CPE: variants seen among roughly 807,000 people sequenced by gnomAD.
The protein encoded by CPE is carboxypeptidase E.
In CPE, 17 loss-of-function variants were observed where a neutral mutation model predicts 53.5. The observed-to-expected ratio is 0.32, with a 90% CI of 0.22 to 0.48. The LOEUF (loss-of-function observed/expected upper bound fraction) is 0.48. CPE is among the 20% of genes least tolerant of loss of function. The pLI is 0.99. For synonymous variants in CPE, 226 were observed against 228.8 expected, an observed-to-expected ratio of 0.99 and a Z score of 0.11; for missense variants, 524 against 614.7, an observed-to-expected ratio of 0.85 and a Z score of 1.56.
chr4:165,379,353 G>C lies in CPE; in HGVS notation c.132G>C (p.Gln44His). The C allele has an allele frequency of 1.9e-6, 3 of 1,593,904 alleles. No homozygotes were observed. Among genetic ancestry groups the C allele is most frequent in the Non-Finnish European group, 2.6e-6 (3 of 1,173,310 alleles). ...AAGMRRRRRLQQEDGISFEYH... is the reference protein window; with the variant it reads ...AAGMRRRRRLHQEDGISFEYH... ...GCATGAGGCGGCGCCGGCGGCTGCA[G>C]CAAGAGGACGGCATCTCCTTCGAGT... is the stretch of plus-strand genomic sequence containing the variant. Residue 44 changes from glutamine (Q) to histidine (H), a missense_variant, in exon 1 of 9, where the codon CAG (glutamine) becomes CAC (histidine). By Grantham distance (24) the Gln-to-His change is conservative. Transcript: ENST00000402744. The surrounding 1 kb of genome is among the most constrained non-coding windows in gnomAD (Gnocchi z 6.0).
Position 165,498,344 on chromosome 4 carries a change from A to C in CPE, c.*734A>C, listed in dbSNP as rs185161171. 23 of 152,280 alleles carry C rather than the reference A, an allele frequency of 1.5e-4. No individual in the cohort carries two copies. The East Asian group carries it at 4.4e-3, about 29-fold the overall frequency. The allele number at this position is 152,280 out of a possible 1,614,324, so 9.4% of individuals were successfully genotyped here. A position where few individuals can be genotyped will look rare whatever the true frequency, so the allele number is the denominator to read the frequency against. Reference sequence around the variant, plus strand: ...CCAGTGCATGTATTTCAGTTCTCTAAGATTTTTGGTCTGGCATTGTGGTCT... The same window carrying C: ...CCAGTGCATGTATTTCAGTTCTCTACGATTTTTGGTCTGGCATTGTGGTCT... On this transcript the variant is annotated 3_prime_UTR_variant, in exon 9 of 9. Coordinates refer to ENST00000402744, the MANE Select transcript of CPE (RefSeq NM_001873.4).
chr4:165,442,724 C>A (rs1731636695), intron 1 of CPE, among the ~76,000 whole-genome samples: 2 of 152,230 alleles, frequency 1.3e-5, no homozygotes, highest in Admixed American at 1.3e-4. Context: ...GCAGAAAGTT[C>A]TACTGGAGAG....
chr4:165,399,547 T>G (rs1730833217), intron 1 of CPE, among the ~76,000 whole-genome samples: 1 of 152,108 alleles, frequency 6.6e-6, no homozygotes, highest in African/African-American at 2.4e-5. Flanking sequence ...AATTTTTGTA[T>G]TTTTAGTAGA....
At chr4:165,429,789 A>C (rs1731379152) in intron 1 of CPE, among the ~76,000 whole-genome samples, 2 of 152,230 alleles carry the variant, frequency 1.3e-5, no homozygotes, top group Admixed American at 1.3e-4. Flanking sequence ...ATAATGTAAA[A>C]ACAATAATAA....
chr4:165,439,840 A>G (rs1479531923), intron 1 of CPE, among the ~76,000 whole-genome samples: 1 of 152,178 alleles, frequency 6.6e-6, no homozygotes, highest in Non-Finnish European at 1.5e-5. Context: ...TCTGGATAAA[A>G]TCATGTTGAG....
At chr4:165,385,443 C>CTTTTTTT (rs70955613) in intron 1 of CPE, among the ~76,000 whole-genome samples, 3 of 107,008 alleles carry the variant, frequency 2.8e-5, no homozygotes, top group African/African-American at 1.2e-4. Context: ...CAAATGTTTG[C>CTTTTTTT]TTTTTTTTTT....
At chr4:165,463,608 A>G (rs1732047300) in intron 1 of CPE, among the ~76,000 whole-genome samples, 1 of 152,276 alleles carries the variant, frequency 6.6e-6, no homozygotes, top group Non-Finnish European at 1.5e-5. Flanking sequence ...TAAGTAAACC[A>G]GAAGACTAGC....
At chr4:165,464,640 G>GTA in intron 2 of CPE, 54 bp downstream of exon 2, 2 of 1,411,906 alleles carry the variant, frequency 1.4e-6, no homozygotes, top group Non-Finnish European at 1.9e-6. Flanking sequence ...CTGTATGTTT[G>GTA]TACATACATG....
intron 1 of CPE, among the ~76,000 whole-genome samples, chr4:165,437,239 C>T (rs1731519873): frequency 6.6e-6 from 1 of 152,194 alleles, no homozygotes. Flanking sequence ...AGCCCTGGGT[C>T]AGATGGACTG....
chr4:165,430,174 T>TA (rs1356500197), intron 1 of CPE, among the ~76,000 whole-genome samples: 3 of 152,236 alleles, frequency 2.0e-5, no homozygotes, highest in Admixed American at 6.5e-5. Flanking sequence ...TTTCATTTTT[T>TA]AAAAAATATT....
At chr4:165,483,014 TA>T (rs1732442180) in intron 4 of CPE, among the ~76,000 whole-genome samples, 1 of 151,956 alleles carries the variant, frequency 6.6e-6, no homozygotes, top group South Asian at 2.1e-4. Context: ...TTTTTTTTTT[TA>T]ATTTTAGATT....
intron 1 of CPE, chr4:165,405,501 C>A: frequency 1.1e-6 from 1 of 940,394 alleles, no homozygotes; most frequent in Non-Finnish European, 1.8e-6. Context: ...CGCTTTCACA[C>A]TTTTTCTTCC....
intron 3 of CPE, among the ~76,000 whole-genome samples, 186 bp downstream of exon 3, chr4:165,468,041 G>A (rs116623425): frequency 0.011 from 1,724 of 152,234 alleles, 32 homozygotes; most frequent in African/African-American, 0.037. Flanking sequence ...GAATTGGGCC[G>A]TAGGTGGAGA....
intron 1 of CPE, among the ~76,000 whole-genome samples, chr4:165,409,134 G>A (rs1047299888): frequency 5.3e-5 from 8 of 152,160 alleles, no homozygotes; most frequent in African/African-American, 1.7e-4. Context: ...AATGGTTGAC[G>A]TGGGAAATGC....
intron 3 of CPE, among the ~76,000 whole-genome samples, chr4:165,478,917 C>G (rs1218830326): frequency 6.6e-6 from 1 of 152,140 alleles, no homozygotes; most frequent in Non-Finnish European, 1.5e-5. Flanking sequence ...CCAATTCGTC[C>G]CTGGACTTGG....
At chr4:165,444,306 A>G (rs1038286347) in intron 1 of CPE, among the ~76,000 whole-genome samples, 1 of 152,106 alleles carries the variant, frequency 6.6e-6, no homozygotes, top group Admixed American at 6.5e-5. Context: ...ATTTTTAACC[A>G]TTAGAAGGGG....
intron 1 of CPE, among the ~76,000 whole-genome samples, chr4:165,401,687 G>T (rs1730870767): frequency 6.6e-6 from 1 of 152,170 alleles, no homozygotes; most frequent in South Asian, 2.1e-4. Flanking sequence ...CTGCCTTCCT[G>T]AGTGGAGGAG....
chr4:165,460,348 G>A (rs375157131), intron 1 of CPE, among the ~76,000 whole-genome samples: 1 of 152,144 alleles, frequency 6.6e-6, no homozygotes, highest in East Asian at 1.9e-4. Flanking sequence ...AGAATCTGTT[G>A]TTTAGACTTT....
At chr4:165,394,739 TTAC>T (rs1730737310) in intron 1 of CPE, among the ~76,000 whole-genome samples, 2 of 152,124 alleles carry the variant, frequency 1.3e-5, no homozygotes, top group East Asian at 3.8e-4. Context: ...GTGAAAAATG[TTAC>T]TTGTGCTGAA....
Sources: allele counts gnomAD v4.1 joint callset (sites outside exome capture counted in the v4.1 genomes callset), GRCh38; gene constraint gnomAD v4.1.1; non-coding constraint Gnocchi (gnomAD v3.1); transcripts MANE v1.5; gene names NCBI Gene and HGNC (gene_info 2026-07-23, HGNC 2026-07-21).